The following YTHDC1 variants were observed in gnomAD, a reference collection of about 807,000 sequenced individuals.
YTHDC1 encodes YTH N6-methyladenosine RNA binding protein C1.
A neutral mutation model predicts 107.0 loss-of-function variants in YTHDC1; 12 were observed. The ratio of observed to expected loss-of-function variants is 0.11; its 90% CI spans 0.07 to 0.18. YTHDC1 has a LOEUF of 0.18. Among genes scored for constraint, YTHDC1 ranks in the 10% least tolerant of loss-of-function variants. YTHDC1 has a pLI of 1.00. For synonymous variants in YTHDC1, 280 were observed against 289.5 expected, an observed-to-expected ratio of 0.97 and a Z score of 0.33; for missense variants, 635 against 898.8, an observed-to-expected ratio of 0.71 and a Z score of 3.75.
At chr4:68,332,657 T>C (rs920818786) in intron 6 of YTHDC1, 137 bp downstream of exon 6, 2 of 707,942 alleles carry the variant, frequency 2.8e-6, no homozygotes, top group South Asian at 2.0e-5. Context: ...GAGCTTTCTA[T>C]GTTAAGATAT....
rs947322189 is a variant in YTHDC1 at position 68,312,223 on chromosome 4, A to C, written c.*1876T>G. On this transcript the variant is annotated 3_prime_UTR_variant, in exon 17 of 17. Coordinates refer to ENST00000344157, the MANE Select transcript of YTHDC1 (RefSeq NM_001031732.4). ...TTGGCCCATCAATTACTACCTTTCT[A>C]ATCTTGGGCAAGTTTACTAGCCTCT... is the stretch of plus-strand genomic sequence containing the variant. 6.6e-6 allele frequency: 1 copy of C among 152,198 alleles called. No homozygotes were observed. Among genetic ancestry groups the C allele is most frequent in the Non-Finnish European group, 1.5e-5 (1 of 68,032 alleles). The allele number at this position is 152,198 out of a possible 1,614,324, so 9.4% of individuals were successfully genotyped here.
intron 1 of YTHDC1, among the ~76,000 whole-genome samples, 193 bp downstream of exon 1, chr4:68,349,533 A>C (rs528439076): frequency 2.3e-4 from 35 of 152,142 alleles, no homozygotes; most frequent in Middle Eastern, 3.4e-3. Flanking sequence ...GCTAGGCCAT[A>C]TGGAGACTGA....
chr4:68,336,406 GAT>G (rs928931016), intron 4 of YTHDC1, among the ~76,000 whole-genome samples: 2 of 151,946 alleles, frequency 1.3e-5, no homozygotes, highest in Non-Finnish European at 2.9e-5. Context: ...AGAGAGGCAG[GAT>G]ATATATAGCA....
chr4:68,332,222 G>A (rs756588662), intron 6 of YTHDC1, 25 bp from the exon 7 acceptor site: 42 of 1,508,814 alleles, frequency 2.8e-5, no homozygotes, highest in Non-Finnish European at 3.6e-5. Context: ...AACCCAAATC[G>A]ATTAACCACA....
intron 11 of YTHDC1, among the ~76,000 whole-genome samples, chr4:68,320,811 T>C (rs1357750152): frequency 6.6e-6 from 1 of 152,134 alleles, no homozygotes; most frequent in African/African-American, 2.4e-5. Flanking sequence ...TAAAAAACTA[T>C]TTCTTAATAA....
chr4:68,343,432 C>CTCAGGTGGAA, intron 1 of YTHDC1, among the ~76,000 whole-genome samples: 1 of 151,214 alleles, frequency 6.6e-6, no homozygotes, highest in East Asian at 1.9e-4. Flanking sequence ...GAACTCCTGA[C>CTCAGGTGGAA]CTCAGGTGAT....
intron 1 of YTHDC1, among the ~76,000 whole-genome samples, chr4:68,349,142 A>T (rs938681467): frequency 2.6e-5 from 4 of 152,158 alleles, no homozygotes; most frequent in African/African-American, 9.7e-5. Flanking sequence ...TCATCTTTCC[A>T]AACTAAGTAT....
At chr4:68,339,968 A>G (rs1724635743) in intron 1 of YTHDC1, among the ~76,000 whole-genome samples, 1 of 152,148 alleles carries the variant, frequency 6.6e-6, no homozygotes, top group Non-Finnish European at 1.5e-5. Context: ...ACTAATGCTA[A>G]TAGTAAATGT....
At chr4:68,340,239 C>CAT (rs1269737818) in intron 1 of YTHDC1, among the ~76,000 whole-genome samples, 2 of 151,902 alleles carry the variant, frequency 1.3e-5, no homozygotes, top group African/African-American at 4.8e-5. Flanking sequence ...GATAAGGTTA[C>CAT]ATAGGAAATG....
At chr4:68,347,192 G>GTT (rs1235958716) in intron 1 of YTHDC1, among the ~76,000 whole-genome samples, 1 of 152,130 alleles carries the variant, frequency 6.6e-6, no homozygotes, top group Non-Finnish European at 1.5e-5. Flanking sequence ...TTTTAACACA[G>GTT]TAACTCATTA....
At position 68,337,252 on chromosome 4, in the gene YTHDC1, C is replaced by T; in HGVS notation, c.658G>A (p.Glu220Lys). Residue 220 changes from glutamate (E) to lysine (K), a missense_variant, in exon 4 of 17, where the codon GAA becomes AAA. Physicochemically the swap from Glu to Lys is moderately conservative, Grantham distance 56. Around this residue, in one of 5 missense-constraint regions of YTHDC1, gnomAD observed 294 missense variants for 312.3 expected, o/e 0.94. Coordinates refer to ENST00000344157, the MANE Select transcript of YTHDC1 (RefSeq NM_001031732.4). ...TCTTCATCCACCTCTTCATCTTCTT[C>T]TGCATCTTCTTCTACTTCTTCATCT... The part of the protein sequence containing the change: ...EEDEEVEEDA[E>K]EDEEVDEDGE... The T allele has an allele frequency of 6.2e-7, 1 of 1,607,330 alleles. No homozygotes were observed. Among genetic ancestry groups the T allele is most frequent in the Non-Finnish European group, 8.5e-7 (1 of 1,175,062 alleles).
At chr4:68,331,839 G>A (rs1043754312) in intron 7 of YTHDC1, among the ~76,000 whole-genome samples, 1 of 151,226 alleles carries the variant, frequency 6.6e-6, no homozygotes, top group African/African-American at 2.4e-5. Flanking sequence ...ACAGAAACAG[G>A]ATCTTTTACA....
chr4:68,327,209 C>T (rs1246854810), intron 9 of YTHDC1, among the ~76,000 whole-genome samples: 1 of 151,924 alleles, frequency 6.6e-6, no homozygotes, highest in Non-Finnish European at 1.5e-5. Context: ...GCACTCTAGC[C>T]TGGGCAACAA....
At chr4:68,318,645 G>A (rs893684004) in intron 14 of YTHDC1, 45 bp downstream of exon 14, 3 of 1,610,332 alleles carry the variant, frequency 1.9e-6, no homozygotes, top group South Asian at 1.1e-5. Context: ...AAATAAATCA[G>A]AGCCTGATTT....
chr4:68,330,940 C>A (rs190679279), intron 7 of YTHDC1, among the ~76,000 whole-genome samples: 2 of 152,152 alleles, frequency 1.3e-5, no homozygotes, highest in African/African-American at 4.8e-5. Context: ...ATTCAGCTCA[C>A]ACCATCTGCT....
intron 1 of YTHDC1, among the ~76,000 whole-genome samples, chr4:68,347,372 G>A (rs1051629989): frequency 1.3e-5 from 2 of 152,140 alleles, no homozygotes; most frequent in African/African-American, 4.8e-5. Flanking sequence ...CACCAACATT[G>A]CAACACCTTT....
chr4:68,339,005 G>A (rs529662237), intron 1 of YTHDC1, among the ~76,000 whole-genome samples: 2 of 152,236 alleles, frequency 1.3e-5, no homozygotes, highest in East Asian at 3.9e-4. Context: ...ATATTTCTGA[G>A]GGCTTTAAAA....
rs374750902 is a variant in YTHDC1, at chr4:68,330,145, T to C, written c.1232-26A>G. The C allele has an allele frequency of 1.1e-4, 172 of 1,588,508 alleles. 1 individual carries two copies. Among genetic ancestry groups the C allele is most frequent in the Middle Eastern group, 3.3e-4 (2 of 5,982 alleles). On this transcript the variant is annotated intron_variant, in intron 8 of 16. Coordinates refer to ENST00000344157, the MANE Select transcript of YTHDC1 (RefSeq NM_001031732.4). ...CTAAGAGAATCATATCATAATATAA[T>C]ATGTAGATGCTAATATAATTAATGT... is the stretch of plus-strand genomic sequence containing the variant.
At position 68,329,990 on chromosome 4, in the gene YTHDC1, T is replaced by G; in HGVS notation, c.1349+12A>C. 1 of 1,590,120 alleles carries G rather than the reference T, an allele frequency of 6.3e-7. No individual in the cohort carries two copies. The highest frequency in any genetic ancestry group is 8.6e-7 in the Non-Finnish European group (1 of 1,158,596). The stretch of plus-strand genomic sequence containing the variant: ...AAAATTTCAGTTATCTATACTGAAG[T>G]GTATAATTTACCTGCAAATCCAGTC... On this transcript the variant is annotated intron_variant, in intron 9 of 16. Transcript: ENST00000344157.
Sources: gnomAD v4.1 joint callset for allele counts (sites outside exome capture counted in the v4.1 genomes callset) on GRCh38, gnomAD v4.1.1 for gene constraint, gnomAD v4.1.1 regional missense constraint, MANE v1.5 for transcripts, NCBI Gene and HGNC (gene_info 2026-07-23, HGNC 2026-07-21) for gene names.